The following ILDR1 variants were observed in gnomAD, a reference collection of about 807,000 sequenced individuals.
The protein encoded by ILDR1 is immunoglobulin-like domain-containing receptor 1.
A neutral mutation model predicts 62.4 loss-of-function variants in ILDR1; 56 were observed. The observed-to-expected ratio is 0.90, with a 90% CI of 0.72 to 1.12. ILDR1 has a LOEUF of 1.12. ILDR1 is among the 50% of genes most tolerant of loss of function. ILDR1 has a pLI of 0.00. For synonymous variants in ILDR1, 284 were observed against 277.8 expected (o/e 1.02, Z -0.22); for missense variants, 736 against 710.6 (o/e 1.04, Z -0.41).
chr3:122,038,396 T>A, the ILDR1 span, among the ~76,000 whole-genome samples: 1 of 152,118 alleles, frequency 6.6e-6, no homozygotes, highest in Non-Finnish European at 1.5e-5. Context: ...ACTAAAGAAA[T>A]TTGAAGCCTA....
At chr3:122,015,947 G>A (rs903954295) in intron 1 of ILDR1, among the ~76,000 whole-genome samples, 1 of 152,070 alleles carries the variant, frequency 6.6e-6, no homozygotes, top group African/African-American at 2.4e-5. Context: ...CCACATTGCT[G>A]TTAGTCTCCC....
intron 7 of ILDR1, 138 bp downstream of exon 7, chr3:121,993,012 A>G (rs960720074): frequency 2.7e-6 from 2 of 745,166 alleles, no homozygotes; most frequent in Non-Finnish European, 4.8e-6. Context: ...CACCTAGCCC[A>G]CAGTGTAATT....
the ILDR1 span, among the ~76,000 whole-genome samples, chr3:122,053,773 T>C: frequency 2.6e-5 from 4 of 152,328 alleles, no homozygotes; most frequent in South Asian, 6.2e-4. Flanking sequence ...CTATCTTAAA[T>C]AAAAATTTGA....
chr3:122,025,060 G>T (rs2071908949), upstream of ILDR1: 1 of 152,188 alleles, frequency 6.6e-6, no homozygotes, highest in Non-Finnish European at 1.5e-5. Flanking sequence ...CAGAACAACA[G>T]CAGTTCTTTC....
At chr3:122,022,389 C>A (rs1031492603), upstream of ILDR1, 1 of 334,642 alleles carries the variant, frequency 3.0e-6, no homozygotes, top group South Asian at 6.8e-5. Context: ...AACACCGTCC[C>A]CCACCCCGCT....
At chr3:122,055,768 A>G in the ILDR1 span, among the ~76,000 whole-genome samples, 1 of 152,220 alleles carries the variant, frequency 6.6e-6, no homozygotes, top group African/African-American at 2.4e-5. Flanking sequence ...TGTTACAGTC[A>G]TTGATTTTAG....
intron 1 of ILDR1, among the ~76,000 whole-genome samples, chr3:122,014,505 T>C (rs2071751567): frequency 6.6e-6 from 1 of 152,242 alleles, no homozygotes; most frequent in Non-Finnish European, 1.5e-5. Flanking sequence ...TTCCAAATTA[T>C]GGACATTTAG....
At chr3:122,028,991 A>T in the ILDR1 span, among the ~76,000 whole-genome samples, 1 of 152,236 alleles carries the variant, frequency 6.6e-6, no homozygotes, top group East Asian at 1.9e-4. Context: ...CAACTTTACA[A>T]TGGAGGAATA....
chr3:122,023,891 C>T (rs537051322), upstream of ILDR1, among the ~76,000 whole-genome samples: 5 of 152,194 alleles, frequency 3.3e-5, no homozygotes, highest in East Asian at 9.7e-4. Flanking sequence ...CTCCCAGCAA[C>T]ACTGTGTATG....
intron 5 of ILDR1, among the ~76,000 whole-genome samples, chr3:121,999,995 C>T (rs934482110): frequency 3.9e-5 from 6 of 151,972 alleles, no homozygotes; most frequent in African/African-American, 1.5e-4. Context: ...TCATTGCTGC[C>T]TCCCACTTCT....
the ILDR1 span, among the ~76,000 whole-genome samples, chr3:122,048,234 C>A: frequency 6.6e-6 from 1 of 152,108 alleles, no homozygotes; most frequent in African/African-American, 2.4e-5. Flanking sequence ...TAATGATGTA[C>A]CATACTAATT....
At chr3:122,037,932 CTCTCTGTCTCTCTG>C in the ILDR1 span, among the ~76,000 whole-genome samples, 1 of 151,492 alleles carries the variant, frequency 6.6e-6, no homozygotes, top group Non-Finnish European at 1.5e-5. Context: ...CTCTCTCTCT[CTCTCTGTCTCTCTG>C]TCTCTGTCTC....
intron 7 of ILDR1, among the ~76,000 whole-genome samples, chr3:121,989,508 C>T (rs4419417): frequency 0.75 from 113,607 of 152,184 alleles, 42,620 homozygotes; most frequent in East Asian, 0.87. Flanking sequence ...AGGTGTATAC[C>T]GGCCAAGTTT....
chr3:121,992,832 G>C (rs1300313280), intron 7 of ILDR1, among the ~76,000 whole-genome samples: 5 of 152,230 alleles, frequency 3.3e-5, no homozygotes, highest in Non-Finnish European at 7.3e-5. Context: ...CTCATGGCTT[G>C]CAAGGTGCTT....
chr3:122,022,040 A>G lies in ILDR1; in HGVS notation c.38T>C (p.Leu13Pro). ...CTCACCTGCTGGGAGCCAGGTGCAG[A>G]GCAGCAGCCAAGGTGCGGGCAGTTT... is the stretch of plus-strand genomic sequence containing the variant. The part of the protein sequence containing the change: ...WPKLPAPWLL[L>P]CTWLPAGCLS... The change falls in exon 1 of 8, where the codon CTC becomes CCC. Residue 13 changes from leucine (L) to proline (P), a missense_variant. By Grantham distance (98) the Leu-to-Pro change is moderately conservative (BLOSUM62 -3). Coordinates refer to ENST00000344209, the MANE Select transcript of ILDR1 (RefSeq NM_001199799.2). The G allele has an allele frequency of 6.2e-7, 1 of 1,611,750 alleles. No individual in the cohort carries two copies. Among genetic ancestry groups the G allele is most frequent in the Non-Finnish European group, 8.5e-7 (1 of 1,179,064 alleles).
At position 121,988,397 on chromosome 3, in the gene ILDR1, G is replaced by A; in HGVS notation, c.1611C>T (p.Ser537=). 1 of 1,613,510 alleles carries A rather than the reference G, an allele frequency of 6.2e-7. No individual in the cohort carries two copies. Among genetic ancestry groups the A allele is most frequent in the Non-Finnish European group, 8.5e-7 (1 of 1,179,532 alleles). Reference sequence around the variant, plus strand: ...TGACCACACTCCTTCCACTATGAGAGCTGTCTTTCTCCTGGGAAATAGAAG... The same window carrying A: ...TGACCACACTCCTTCCACTATGAGAACTGTCTTTCTCCTGGGAAATAGAAG... The part of the protein sequence containing the change: ...GSVERRSEKD[S]SHSGRSVVI The change falls in exon 8 of 8, where the codon AGC becomes AGT. Residue 537 remains serine, a synonymous_variant. Transcript: ENST00000344209.
Position 121,993,353 on chromosome 3 carries a change from G to GGTGCCTGC in ILDR1, c.1388_1395dup (p.Arg466AlafsTer117). The stretch of plus-strand genomic sequence containing the variant: ...GAGGGCAAGGGAGGAGAGTAGCTGC[G>GGTGCCTGC]GTGCCTGCGTCGTCTCCCGTGCCTC... On this transcript the variant is annotated frameshift_variant, in exon 7 of 8. Coordinates refer to ENST00000344209, the MANE Select transcript of ILDR1 (RefSeq NM_001199799.2). LOFTEE classifies it high-confidence loss of function. 6.2e-7 allele frequency: 1 copy of GGTGCCTGC among 1,609,838 alleles called. No homozygotes were observed.
At chr3:122,002,689 G>A (rs2071546496) in intron 3 of ILDR1, among the ~76,000 whole-genome samples, 1 of 151,986 alleles carries the variant, frequency 6.6e-6, no homozygotes, top group Non-Finnish European at 1.5e-5. Context: ...TGCCATGGCG[G>A]TTTGCTGCAC....
intron 1 of ILDR1, among the ~76,000 whole-genome samples, chr3:122,016,597 C>G (rs1038359908): frequency 6.6e-6 from 1 of 152,150 alleles, no homozygotes; most frequent in Non-Finnish European, 1.5e-5. Context: ...ACAATAAGAC[C>G]ATGCCTGTAT....
Sources: gnomAD v4.1 joint callset for allele counts (sites outside exome capture counted in the v4.1 genomes callset) on GRCh38, gnomAD v4.1.1 for gene constraint, MANE v1.5 for transcripts, NCBI Gene and HGNC (gene_info 2026-07-23, HGNC 2026-07-21) for gene names.